TMEM117: variants seen among roughly 807,000 people sequenced by gnomAD.
TMEM117 encodes transmembrane protein 117.
A neutral mutation model predicts 52.4 loss-of-function variants in TMEM117; 27 were observed. The ratio of observed to expected loss-of-function variants is 0.51; its 90% CI spans 0.38 to 0.71. The LOEUF is 0.71. Ranked by LOEUF, TMEM117 falls within the 30% of genes least tolerant of loss-of-function variation. The probability of loss-of-function intolerance (pLI) is 0.00; values close to 1 mark genes in which losing one functional copy is unlikely to be tolerated. For missense variants in TMEM117, 556 were observed against 630.5 expected, an observed-to-expected ratio of 0.88 and a Z score of 1.26; for synonymous variants, 215 against 206.3, an observed-to-expected ratio of 1.04 and a Z score of -0.36.
At chr12:44,365,380 G>C (rs943963166) in intron 6 of TMEM117, among the ~76,000 whole-genome samples, 1 of 151,946 alleles carries the variant, frequency 6.6e-6, no homozygotes, top group Non-Finnish European at 1.5e-5. Context: ...GCATCAAACA[G>C]AAGGGCATAT....
intron 3 of TMEM117, among the ~76,000 whole-genome samples, chr12:44,005,068 G>C (rs556955025): frequency 6.6e-6 from 1 of 152,288 alleles, no homozygotes; most frequent in East Asian, 1.9e-4. Context: ...AACATCTACT[G>C]TGGCCAGTCA....
At chr12:43,857,880 A>G (rs2137389788) in intron 2 of TMEM117, among the ~76,000 whole-genome samples, 1 of 152,328 alleles carries the variant, frequency 6.6e-6, no homozygotes, top group African/African-American at 2.4e-5. Flanking sequence ...TCTGTGCCCA[A>G]AGGATAAATA....
chr12:44,076,502 A>G (rs556167763), intron 3 of TMEM117, among the ~76,000 whole-genome samples: 43 of 152,344 alleles, frequency 2.8e-4, no homozygotes, highest in Admixed American at 1.2e-3. Flanking sequence ...TTGTGGTGTT[A>G]GAAAGGTTTT....
intron 3 of TMEM117, among the ~76,000 whole-genome samples, chr12:44,047,289 A>G (rs991358402): frequency 6.6e-6 from 1 of 152,006 alleles, no homozygotes; most frequent in Non-Finnish European, 1.5e-5. Flanking sequence ...GTTTGATTGT[A>G]TTTGCATTTG....
chr12:43,798,634 A>T, the TMEM117 span: 3 of 1,496,426 alleles, frequency 2.0e-6, no homozygotes, highest in Non-Finnish European at 2.7e-6. Context: ...AAAAAAAAAA[A>T]AATCACATAA....
intron 3 of TMEM117, among the ~76,000 whole-genome samples, chr12:44,098,799 C>A (rs1947816034): frequency 6.6e-6 from 1 of 152,138 alleles, no homozygotes; most frequent in African/African-American, 2.4e-5. Flanking sequence ...AGGTCTTAGT[C>A]TCTCCAAATA....
chr12:43,835,796 C>T (rs1943015106), upstream of TMEM117, among the ~76,000 whole-genome samples: 1 of 151,902 alleles, frequency 6.6e-6, no homozygotes, highest in Non-Finnish European at 1.5e-5. Context: ...GCAGGCTCGG[C>T]CCGTGGCGCA....
chr12:44,324,271 C>T (rs1951169011), intron 6 of TMEM117, among the ~76,000 whole-genome samples: 1 of 151,884 alleles, frequency 6.6e-6, no homozygotes, highest in Non-Finnish European at 1.5e-5. Flanking sequence ...TCTTTTCTTT[C>T]CCCTTCTTTT....
At chr12:44,258,087 T>C (rs1468262654) in intron 5 of TMEM117, among the ~76,000 whole-genome samples, 1 of 152,124 alleles carries the variant, frequency 6.6e-6, no homozygotes. Flanking sequence ...TAATTATCTT[T>C]TCCCAAGGAA....
intron 6 of TMEM117, among the ~76,000 whole-genome samples, chr12:44,354,235 C>A (rs1443526100): frequency 6.6e-6 from 1 of 152,106 alleles, no homozygotes; most frequent in Non-Finnish European, 1.5e-5. Context: ...ATGTCATCTG[C>A]AAACAGGGAC....
intron 6 of TMEM117, among the ~76,000 whole-genome samples, chr12:44,313,207 T>C (rs1178662691): frequency 1.3e-5 from 2 of 152,090 alleles, no homozygotes; most frequent in African/African-American, 4.8e-5. Flanking sequence ...AATGTTATTT[T>C]CTAGGTTTTC....
Position 44,056,230 on chromosome 12 carries a change from C to G in TMEM117, c.411-87295C>G, listed in dbSNP as rs1000300121. 1.6e-4 allele frequency among the ~76,000 whole-genome samples: 24 copies of G among 152,062 alleles called. 1 individual carries two copies. The highest frequency in any genetic ancestry group is 4.4e-5 in the Non-Finnish European group (3 of 68,014). ...AGTAGCTTAGACCATAGGCACACAC[C>G]ACTGCACTCCATTGTATACACATTT... On this transcript the variant is annotated intron_variant, in intron 3 of 7. Coordinates refer to ENST00000266534, the MANE Select transcript of TMEM117 (RefSeq NM_032256.3).
intron 3 of TMEM117, among the ~76,000 whole-genome samples, chr12:43,955,635 G>C (rs1317587873): frequency 1.3e-5 from 2 of 152,088 alleles, no homozygotes; most frequent in Non-Finnish European, 2.9e-5. Context: ...AAGGAAATCA[G>C]AAAGGACACA....
chr12:44,336,295 T>C (rs957280845), intron 6 of TMEM117, among the ~76,000 whole-genome samples: 1 of 152,074 alleles, frequency 6.6e-6, no homozygotes, highest in Non-Finnish European at 1.5e-5. Flanking sequence ...AAATTTTATC[T>C]ATGATTGTTT....
chr12:44,136,666 T>C lies in TMEM117; in HGVS notation c.411-6859T>C, dbSNP rs375924133. ...CACTAAATCATGTATTGATAAGTAA[T>C]CTCATTTAAAAAATACTTTAATATG... On this transcript the variant is annotated intron_variant, in intron 3 of 7. Transcript: ENST00000266534. 3.2e-3 allele frequency among the ~76,000 whole-genome samples: 493 copies of C among 152,248 alleles called. 3 individuals are homozygous for C. The highest frequency in any genetic ancestry group is 0.011 in the African/African-American group (468 of 41,578).
At position 43,851,257 on chromosome 12, in the gene TMEM117, C is replaced by T. The variant is rs1187518031; in HGVS notation, c.277+6329C>T. Among the ~76,000 whole-genome samples, 3 of 152,014 alleles carry T rather than the reference C, an allele frequency of 2.0e-5. No homozygotes were observed. In the East Asian group the frequency reaches 5.8e-4, roughly 29 times the overall value. On this transcript the variant is annotated intron_variant, in intron 2 of 7. Coordinates refer to ENST00000266534, the MANE Select transcript of TMEM117 (RefSeq NM_032256.3). ...TTCATTGGTTATAAATTTAATTTTT[C>T]TGTGAGACATAAATGTTATGATTTT...
the TMEM117 span, among the ~76,000 whole-genome samples, chr12:43,818,977 C>T: frequency 1.3e-5 from 2 of 152,060 alleles, no homozygotes; most frequent in African/African-American, 2.4e-5. Context: ...CTAACAAAAC[C>T]GATAGGGTTC....
chr12:44,382,931 C>T (rs1952039859), intron 7 of TMEM117, among the ~76,000 whole-genome samples: 1 of 152,266 alleles, frequency 6.6e-6, no homozygotes, highest in African/African-American at 2.4e-5. Context: ...AACTCGTGAG[C>T]CCTGTTTTTA....
intron 4 of TMEM117, among the ~76,000 whole-genome samples, chr12:44,195,889 AAAAT>A (rs71091196): frequency 0.45 from 61,427 of 136,322 alleles, 14,511 homozygotes; most frequent in Non-Finnish European, 0.5. Context: ...CCCTGTCTCT[AAAAT>A]AAATAAATAA....
Sources: allele counts gnomAD v4.1 joint callset (sites outside exome capture counted in the v4.1 genomes callset), GRCh38; gene constraint gnomAD v4.1.1; transcripts MANE v1.5; gene names NCBI Gene and HGNC (gene_info 2026-07-23, HGNC 2026-07-21).